RNF150: variants seen among roughly 807,000 people sequenced by gnomAD.
The protein encoded by RNF150 is ring finger protein 150.
RNF150 carries 24 observed loss-of-function variants against 39.3 expected under a neutral mutation model. That is an observed-to-expected ratio of 0.61 (90% CI 0.44 to 0.86). RNF150 has a LOEUF of 0.86. Among genes scored for constraint, RNF150 ranks in the 40% least tolerant of loss-of-function variants. The probability of loss-of-function intolerance (pLI) is 0.00; values close to 1 mark genes in which losing one functional copy is unlikely to be tolerated. For missense variants in RNF150, 502 were observed against 587.8 expected (o/e 0.85, Z 1.51); for synonymous variants, 255 against 227.3 (o/e 1.12, Z -1.10).
At chr4:141,178,734 T>A (rs1047408722) in intron 1 of RNF150, among the ~76,000 whole-genome samples, 1 of 152,070 alleles carries the variant, frequency 6.6e-6, no homozygotes, top group East Asian at 1.9e-4. Context: ...TGGATGCTAG[T>A]TCATGTTCTC....
chr4:141,183,574 A>C (rs1727948291), intron 1 of RNF150, among the ~76,000 whole-genome samples: 2 of 151,946 alleles, frequency 1.3e-5, no homozygotes, highest in Non-Finnish European at 2.9e-5. Context: ...TCCAGCATAC[A>C]TGTGCAGAAT....
chr4:141,005,331 T>C (rs780978628), intron 1 of RNF150, among the ~76,000 whole-genome samples: 6 of 152,136 alleles, frequency 3.9e-5, no homozygotes, highest in Non-Finnish European at 8.8e-5. Context: ...TGCATGGATG[T>C]GGATGAGGTT....
chr4:140,984,415 C>G (rs1454072921), intron 1 of RNF150, among the ~76,000 whole-genome samples: 1 of 152,064 alleles, frequency 6.6e-6, no homozygotes, highest in Non-Finnish European at 1.5e-5. Context: ...TCTTTATTCT[C>G]TCTATCAGTA....
intron 1 of RNF150, among the ~76,000 whole-genome samples, chr4:141,102,220 T>C (rs1170728283): frequency 6.6e-6 from 1 of 152,250 alleles, no homozygotes; most frequent in Non-Finnish European, 1.5e-5. Context: ...AACCACATTT[T>C]AGTCTTTTCT....
chr4:141,169,571 A>G (rs1727664825), intron 1 of RNF150, among the ~76,000 whole-genome samples: 3 of 152,220 alleles, frequency 2.0e-5, no homozygotes, highest in Non-Finnish European at 4.4e-5. Context: ...GAAAAGGTCC[A>G]AGAATCACAA....
intron 1 of RNF150, among the ~76,000 whole-genome samples, chr4:140,984,413 C>T (rs572444060): frequency 1.4e-4 from 22 of 152,142 alleles, no homozygotes; most frequent in Admixed American, 5.2e-4. Context: ...GGTCTTTATT[C>T]TCTCTATCAG....
chr4:140,980,343 C>A (rs1374218316), intron 1 of RNF150, among the ~76,000 whole-genome samples: 2 of 151,880 alleles, frequency 1.3e-5, no homozygotes, highest in Non-Finnish European at 2.9e-5. Flanking sequence ...ATGCCCGATC[C>A]CCTTTAGGCT....
rs74769707 is a variant in RNF150, at chr4:140,960,047, C to T, written c.735+7576G>A. On this transcript the variant is annotated intron_variant, in intron 2 of 6. Transcript: ENST00000515673. ...CAGACATACACATCAAAATACCTAC[C>T]TGGCATCTCTGCTTCAATATCTAAA... Among the ~76,000 whole-genome samples the T allele has an allele frequency of 9.0e-3, 1,371 of 152,218 alleles. 12 individuals carry two copies. The highest frequency in any genetic ancestry group is 0.014 in the Non-Finnish European group (985 of 67,996).
chr4:140,915,167 A>C (rs1205098021), intron 5 of RNF150, among the ~76,000 whole-genome samples: 1 of 152,222 alleles, frequency 6.6e-6, no homozygotes. Flanking sequence ...AGGAATGCAG[A>C]GATGAAGCAT....
intron 1 of RNF150, among the ~76,000 whole-genome samples, chr4:141,187,114 C>G (rs1371017618): frequency 6.6e-6 from 1 of 152,104 alleles, no homozygotes; most frequent in Non-Finnish European, 1.5e-5. Flanking sequence ...GTTATTTACC[C>G]AAGTAGTCAT....
intron 4 of RNF150, among the ~76,000 whole-genome samples, chr4:140,942,662 T>G (rs768202620): frequency 6.6e-6 from 1 of 152,220 alleles, no homozygotes; most frequent in Admixed American, 6.5e-5. Flanking sequence ...TCTTTCAGAT[T>G]CTGCATTATC....
intron 1 of RNF150, among the ~76,000 whole-genome samples, chr4:141,181,276 A>G (rs2111188331): frequency 6.6e-6 from 1 of 152,326 alleles, no homozygotes; most frequent in South Asian, 2.1e-4. Context: ...GTTCTTGGTA[A>G]TGGTTGGCAT....
At chr4:141,046,973 T>C (rs764479198) in intron 1 of RNF150, among the ~76,000 whole-genome samples, 4 of 152,066 alleles carry the variant, frequency 2.6e-5, no homozygotes, top group Non-Finnish European at 4.4e-5. Context: ...AAATAAATGC[T>C]CAAACTCAGT....
At chr4:140,908,830 GCTTTA>G (rs1324837471) in intron 6 of RNF150, among the ~76,000 whole-genome samples, 1 of 151,846 alleles carries the variant, frequency 6.6e-6, no homozygotes. Flanking sequence ...TGTCATCTTG[GCTTTA>G]CTAAGATCTA....
intron 1 of RNF150, among the ~76,000 whole-genome samples, chr4:141,113,355 C>T (rs548842446): frequency 7.1e-6 from 1 of 140,096 alleles, no homozygotes; most frequent in South Asian, 2.2e-4. Context: ...AAAAAAAAAG[C>T]AGGGGTTGCA....
intron 5 of RNF150, among the ~76,000 whole-genome samples, chr4:140,917,873 C>A (rs1053457487): frequency 1.3e-4 from 20 of 151,930 alleles, no homozygotes; most frequent in African/African-American, 4.8e-4. Flanking sequence ...AACTAGAACT[C>A]CGGATTAAGA....
rs78850957 is a variant in RNF150, at chr4:141,129,329, A to G, written c.484+2996T>C. Among the ~76,000 whole-genome samples, 606 of 152,368 alleles carry G rather than the reference A, an allele frequency of 4.0e-3. 28 individuals carry two copies. In the East Asian group the frequency reaches 0.097, roughly 24 times the overall value. On this transcript the variant is annotated intron_variant, in intron 1 of 6. Transcript: ENST00000515673. ...ATGCTACAACCTTGATGAACCTTAG[A>G]AAGATTATGCTAAATCAAAGAGGCC...
chr4:141,145,130 C>A (rs1223777660), intron 1 of RNF150, among the ~76,000 whole-genome samples: 3 of 152,052 alleles, frequency 2.0e-5, no homozygotes, highest in Non-Finnish European at 4.4e-5. Context: ...TGGGTAATAA[C>A]AGTAACACTT....
rs1450498233 is a variant in RNF150, at chr4:140,865,909, A to C, written c.*2352T>G. 1 of 152,238 alleles carries C rather than the reference A, an allele frequency of 6.6e-6. No homozygotes were observed. The highest frequency in any genetic ancestry group is 1.5e-5 in the Non-Finnish European group (1 of 68,040). 9.4% of individuals were successfully genotyped at this position (152,238 alleles called of 1,614,324 possible). ...ATTATCCTTCTAATTCCACTGGACT[A>C]AACTTAATACCAGTAATACTAAAAT... is the stretch of plus-strand genomic sequence containing the variant. On this transcript the variant is annotated 3_prime_UTR_variant, in exon 7 of 7. Coordinates refer to ENST00000515673, the MANE Select transcript of RNF150 (RefSeq NM_020724.2).
Sources: allele counts gnomAD v4.1 joint callset (sites outside exome capture counted in the v4.1 genomes callset), GRCh38; gene constraint gnomAD v4.1.1; transcripts MANE v1.5; gene names NCBI Gene and HGNC (gene_info 2026-07-23, HGNC 2026-07-21).